The following NKAIN3 variants were observed in gnomAD, a reference collection of about 807,000 sequenced individuals.
NKAIN3 encodes the protein sodium/potassium transporting ATPase interacting 3.
NKAIN3 carries 25 observed loss-of-function variants against 30.2 expected under a neutral mutation model. The observed-to-expected ratio is 0.83, with a 90% confidence interval of 0.60 to 1.16. The LOEUF is 1.16. Among genes scored for constraint, NKAIN3 ranks in the 50% most tolerant of loss-of-function variants. NKAIN3 has a pLI of 0.00. For synonymous variants in NKAIN3, 91 were observed against 89.6 expected, an observed-to-expected ratio of 1.02 and a Z score of -0.09; for missense variants, 225 against 254.1, an observed-to-expected ratio of 0.89 and a Z score of 0.78.
intron 1 of NKAIN3, among the ~76,000 whole-genome samples, chr8:62,388,471 C>A (rs954691777): frequency 6.6e-6 from 1 of 152,174 alleles, no homozygotes; most frequent in Non-Finnish European, 1.5e-5. Context: ...CAGGCCCTAG[C>A]AAAGGTAATA....
chr8:62,446,345 T>C (rs1015255314), intron 1 of NKAIN3, among the ~76,000 whole-genome samples: 1 of 151,856 alleles, frequency 6.6e-6, no homozygotes, highest in Non-Finnish European at 1.5e-5. Context: ...ATATGGCTGG[T>C]TTTTTTTAGT....
At chr8:62,535,085 G>A (rs1808613676) in intron 1 of NKAIN3, among the ~76,000 whole-genome samples, 1 of 152,066 alleles carries the variant, frequency 6.6e-6, no homozygotes, top group Non-Finnish European at 1.5e-5. Flanking sequence ...CTACCATTCA[G>A]TTCAACACTA....
chr8:62,394,289 T>C (rs1426942176), intron 1 of NKAIN3, among the ~76,000 whole-genome samples: 1 of 152,160 alleles, frequency 6.6e-6, no homozygotes, highest in South Asian at 2.1e-4. Flanking sequence ...TGTTAAATGT[T>C]TTTTCTTCCT....
At chr8:62,385,184 C>T (rs376691692) in intron 1 of NKAIN3, among the ~76,000 whole-genome samples, 2 of 152,116 alleles carry the variant, frequency 1.3e-5, no homozygotes, top group South Asian at 4.1e-4. Flanking sequence ...TGGAGGTAAT[C>T]ATTGTCTTTA....
At chr8:62,761,052 T>C (rs942837911) in intron 4 of NKAIN3, among the ~76,000 whole-genome samples, 20 of 152,178 alleles carry the variant, frequency 1.3e-4, no homozygotes, top group African/African-American at 4.8e-4. Context: ...TCCTAGTAGG[T>C]TTGTCCTAGA....
chr8:62,895,958 A>G (rs565446845), intron 4 of NKAIN3, among the ~76,000 whole-genome samples: 5 of 149,594 alleles, frequency 3.3e-5, no homozygotes, highest in African/African-American at 1.2e-4. Flanking sequence ...CTGAGAATTT[A>G]TCACCATCCT....
rs532299754 is a variant in NKAIN3, at chr8:62,528,768, A to G, written c.55-50771A>G. Among the ~76,000 whole-genome samples, 4 of 152,212 alleles carry G rather than the reference A, an allele frequency of 2.6e-5. No homozygotes were observed. In the South Asian group the frequency reaches 8.3e-4, roughly 32 times the overall value. The stretch of plus-strand genomic sequence containing the variant: ...TATATTCCATGTTGTGTATGCCGGT[A>G]TGACGTGGTTTTCTGTTATTTGCAA... On this transcript the variant is annotated intron_variant, in intron 1 of 6. Coordinates refer to ENST00000623646, the MANE Select transcript of NKAIN3 (RefSeq NM_001304533.3).
At chr8:62,680,805 C>T (rs991721331) in intron 3 of NKAIN3, among the ~76,000 whole-genome samples, 16 of 152,086 alleles carry the variant, frequency 1.1e-4, no homozygotes, top group Admixed American at 9.2e-4. Flanking sequence ...TAATTATCCA[C>T]TCAGTTATAT....
At chr8:62,637,557 T>C (rs1812172966) in intron 3 of NKAIN3, among the ~76,000 whole-genome samples, 1 of 152,186 alleles carries the variant, frequency 6.6e-6, no homozygotes, top group Non-Finnish European at 1.5e-5. Flanking sequence ...TCACTAGGAA[T>C]CCTTAGTCCT....
intron 4 of NKAIN3, among the ~76,000 whole-genome samples, chr8:62,848,354 G>A (rs1819756008): frequency 6.6e-6 from 1 of 151,996 alleles, no homozygotes; most frequent in Admixed American, 6.6e-5. Context: ...CTTTTCAATG[G>A]TTTGTAGTTC....
rs560139202 is a variant in NKAIN3, at chr8:62,684,466, G to A, written c.274-62466G>A. Reference sequence around the variant, plus strand: ...CATGTCACCTTGTTAGTCTGAGTGTGTATGGGGAGTGAGAATATTGGGACG... The same window carrying A: ...CATGTCACCTTGTTAGTCTGAGTGTATATGGGGAGTGAGAATATTGGGACG... On this transcript the variant is annotated intron_variant, in intron 3 of 6. Coordinates refer to ENST00000623646, the MANE Select transcript of NKAIN3 (RefSeq NM_001304533.3). Among the ~76,000 whole-genome samples the A allele has an allele frequency of 2.0e-5, 3 of 152,314 alleles. No individual in the cohort carries two copies. In the East Asian group the frequency reaches 5.8e-4, roughly 29 times the overall value.
chr8:62,714,159 G>T (rs1033511173), intron 3 of NKAIN3, among the ~76,000 whole-genome samples: 4 of 152,132 alleles, frequency 2.6e-5, no homozygotes, highest in African/African-American at 9.6e-5. Context: ...TTCACAGACT[G>T]TAATTGGTTC....
intron 1 of NKAIN3, among the ~76,000 whole-genome samples, chr8:62,359,457 A>C (rs1474910859): frequency 1.3e-5 from 2 of 152,158 alleles, no homozygotes; most frequent in Non-Finnish European, 2.9e-5. Context: ...GGCTAACCTG[A>C]GGATCAGTAC....
At chr8:62,774,286 C>T (rs188835544) in intron 4 of NKAIN3, among the ~76,000 whole-genome samples, 1 of 152,244 alleles carries the variant, frequency 6.6e-6, no homozygotes, top group African/African-American at 2.4e-5. Context: ...ATTTGTTTAT[C>T]AGTTCTAAAA....
intron 4 of NKAIN3, among the ~76,000 whole-genome samples, chr8:62,763,187 C>T (rs1027858166): frequency 6.5e-5 from 8 of 123,082 alleles, no homozygotes; most frequent in African/African-American, 2.3e-4. Context: ...AGGCACTGAA[C>T]TCCAGCCTGG....
At chr8:62,553,864 C>A (rs2129947524) in intron 1 of NKAIN3, among the ~76,000 whole-genome samples, 1 of 152,144 alleles carries the variant, frequency 6.6e-6, no homozygotes, top group East Asian at 1.9e-4. Flanking sequence ...CCATAAGTTT[C>A]TAAAAATGTA....
At chr8:62,864,188 G>C in intron 4 of NKAIN3, 1 of 648,084 alleles carries the variant, frequency 1.5e-6, no homozygotes, top group Non-Finnish European at 2.7e-6. Flanking sequence ...ACCGGGAGGA[G>C]GCTCTGGCGG....
chr8:62,564,340 AG>A (rs578255439), intron 1 of NKAIN3, among the ~76,000 whole-genome samples: 26 of 152,108 alleles, frequency 1.7e-4, no homozygotes, highest in Non-Finnish European at 3.8e-4. Flanking sequence ...CCTCAGCCAG[AG>A]TCCCACCCTC....
chr8:62,878,016 G>A (rs1207380696), intron 4 of NKAIN3, among the ~76,000 whole-genome samples: 7 of 134,696 alleles, frequency 5.2e-5, no homozygotes, highest in Non-Finnish European at 9.1e-5. Context: ...CTCCAGCCTG[G>A]GCAACAAGAA....
Sources: gnomAD v4.1 joint callset for allele counts (sites outside exome capture counted in the v4.1 genomes callset) on GRCh38, gnomAD v4.1.1 for gene constraint, MANE v1.5 for transcripts, NCBI Gene and HGNC (gene_info 2026-07-23, HGNC 2026-07-21) for gene names.